Variants in FSIP2 observed in about 807,000 individuals in gnomAD.
The protein encoded by FSIP2 is fibrous sheath interacting protein 2, also known as fibrous sheath-interacting protein 2.
FSIP2 carries 367 observed loss-of-function variants against 510.5 expected under a neutral mutation model. That is an observed-to-expected ratio of 0.72 (90% CI 0.66 to 0.78). FSIP2 has a LOEUF of 0.78. FSIP2 is among the 30% of genes least tolerant of loss of function. The pLI, the probability that FSIP2 is intolerant of heterozygous loss-of-function variation, is 0.00. For missense variants in FSIP2, 7,594 were observed against 7,901.7 expected, an observed-to-expected ratio of 0.96 and a Z score of 1.48; for synonymous variants, 2,601 against 2,732.2, an observed-to-expected ratio of 0.95 and a Z score of 1.50.
Position 185,801,046 on chromosome 2 carries a change from G to A in FSIP2, c.11740G>A (p.Val3914Ile), listed in dbSNP as rs142635613. Reference protein sequence around the residue: ...LRSYDSNSLTVSLNNPSVVSS... With the variant: ...LRSYDSNSLTISLNNPSVVSS... ...GAGCTATGATAGTAATTCTTTGACA[G>A]TATCCCTGAATAATCCCAGTGTGGT... is the stretch of plus-strand genomic sequence containing the variant. The change falls in exon 17 of 23, where the codon GTA becomes ATA. Residue 3914 changes from valine (V) to isoleucine (I), a missense_variant. Val to Ile is a conservative substitution (Grantham distance 29, BLOSUM62 3). Coordinates refer to ENST00000424728, the MANE Select transcript of FSIP2 (RefSeq NM_173651.4). 50 of 1,532,144 alleles carry A rather than the reference G, an allele frequency of 3.3e-5. No homozygotes were observed. The highest frequency in any genetic ancestry group is 3.9e-5 in the Non-Finnish European group (45 of 1,144,292). The allele number at this position is 1,532,144 out of a possible 1,614,324, so 94.9% of individuals were successfully genotyped here.
intron 19 of FSIP2, among the ~76,000 whole-genome samples, chr2:185,817,540 A>G (rs1466755804): frequency 6.6e-6 from 1 of 151,952 alleles, no homozygotes; most frequent in Non-Finnish European, 1.5e-5. Flanking sequence ...AAAAGATCTG[A>G]AAAAAACCTA....
At chr2:185,810,613 T>C (rs540906392) in intron 17 of FSIP2, among the ~76,000 whole-genome samples, 2 of 145,536 alleles carry the variant, frequency 1.4e-5, no homozygotes, top group East Asian at 2.1e-4. Context: ...AAGAATGTCC[T>C]AACACAGAAA....
At chr2:185,764,762 G>C in intron 13 of FSIP2, 197 bp downstream of exon 13, 1 of 495,216 alleles carries the variant, frequency 2.0e-6, no homozygotes, top group East Asian at 3.3e-5. Context: ...GAGCAATAAA[G>C]GAAGTGGGTA....
intron 13 of FSIP2, among the ~76,000 whole-genome samples, chr2:185,776,429 C>A (rs190320604): frequency 8.2e-4 from 125 of 152,144 alleles, no homozygotes; most frequent in African/African-American, 3.0e-3. Context: ...CTCTTAGAAT[C>A]CCTTTCAGTG....
intron 7 of FSIP2, among the ~76,000 whole-genome samples, chr2:185,749,190 C>G (rs545784924): frequency 6.6e-6 from 1 of 151,534 alleles, no homozygotes; most frequent in African/African-American, 2.4e-5. Context: ...AAACGTCTTG[C>G]TGAGTTTTTT....
At chr2:185,748,262 T>C (rs1692075932) in intron 7 of FSIP2, among the ~76,000 whole-genome samples, 3 of 151,910 alleles carry the variant, frequency 2.0e-5, no homozygotes, top group Admixed American at 6.6e-5. Context: ...CTGATTATTA[T>C]TTTTCTTCTT....
intron 13 of FSIP2, among the ~76,000 whole-genome samples, chr2:185,780,661 T>C (rs1692829544): frequency 6.6e-6 from 1 of 152,038 alleles, no homozygotes; most frequent in Non-Finnish European, 1.5e-5. Flanking sequence ...AATTTTAATA[T>C]ATTGTTTTTG....
chr2:185,824,837 C>G (rs1162442549), intron 20 of FSIP2, among the ~76,000 whole-genome samples: 1 of 151,804 alleles, frequency 6.6e-6, no homozygotes, highest in Non-Finnish European at 1.5e-5. Context: ...AGGATTATGC[C>G]TCTTTTTAAA....
In FSIP2 at chr2:185,792,355, A is replaced by C. The variant is rs1693156651; in HGVS notation, c.5219A>C (p.Glu1740Ala). Residue 1740 changes from glutamate (E) to alanine (A), a missense_variant, in exon 16 of 23, where the codon GAG becomes GCG. Transcript: ENST00000424728. ...TATACAGCGAAAAAAATTATTGATG[A>C]GAGATCCCCACAAAGAGAAGAAGTG... is the stretch of plus-strand genomic sequence containing the variant. The part of the protein sequence containing the change: ...DAYTAKKIID[E>A]RSPQREEVKT... 1.3e-6 allele frequency: 2 copies of C among 1,529,568 alleles called. No homozygotes were observed. Among genetic ancestry groups the C allele is most frequent in the Non-Finnish European group, 1.7e-6 (2 of 1,144,394 alleles). The allele number at this position is 1,529,568 out of a possible 1,614,324, so 94.7% of individuals were successfully genotyped here.
Position 185,790,767 on chromosome 2 carries a change from G to T in FSIP2, c.3631G>T (p.Val1211Phe). 6.5e-7 allele frequency: 1 copy of T among 1,532,366 alleles called. No homozygotes were observed. The highest frequency in any genetic ancestry group is 1.2e-5 in the South Asian group (1 of 83,740). 94.9% of individuals were successfully genotyped at this position (1,532,366 alleles called of 1,614,324 possible). ...SLHNSDTEHI[V>F]KEAPNKYPLK... is the part of the protein sequence containing the mutation. ...ACATAATTCTGACACTGAACACATA[G>T]TCAAAGAAGCACCAAATAAATACCC... The change falls in exon 16 of 23, where the codon GTC (valine) becomes TTC (phenylalanine). Residue 1211 changes from valine (V) to phenylalanine (F), a missense_variant. By Grantham distance (50) the Val-to-Phe change is conservative. Coordinates refer to ENST00000424728, the MANE Select transcript of FSIP2 (RefSeq NM_173651.4).
At chr2:185,754,284 A>G (rs1182391809) in intron 8 of FSIP2, among the ~76,000 whole-genome samples, 2 of 151,502 alleles carry the variant, frequency 1.3e-5, no homozygotes, top group Non-Finnish European at 3.0e-5. Context: ...TGGCTTTGTT[A>G]TGCCCGGCCT....
At chr2:185,827,593 C>T (rs1196609041) in intron 20 of FSIP2, among the ~76,000 whole-genome samples, 1 of 151,846 alleles carries the variant, frequency 6.6e-6, no homozygotes, top group Admixed American at 6.6e-5. Context: ...GAATTTATTT[C>T]ACGAATACAC....
In FSIP2 at chr2:185,802,796, T is replaced by A; in HGVS notation, c.13490T>A (p.Ile4497Lys). ...LVLNRDTQKD[I>K]SRVNFNDIAS... The stretch of plus-strand genomic sequence containing the variant: ...CTAAACAGAGACACCCAAAAAGATA[T>A]ATCAAGAGTGAATTTCAATGACATT... The change falls in exon 17 of 23, where the codon ATA becomes AAA. Residue 4497 changes from isoleucine to lysine, a missense_variant. Ile to Lys is a moderately radical substitution (Grantham distance 102). Coordinates refer to ENST00000424728, the MANE Select transcript of FSIP2 (RefSeq NM_173651.4). 3.9e-6 allele frequency: 6 copies of A among 1,521,112 alleles called. No homozygotes were observed. Among genetic ancestry groups the A allele is most frequent in the Non-Finnish European group, 5.3e-6 (6 of 1,141,146 alleles). The allele number at this position is 1,521,112 out of a possible 1,614,324, so 94.2% of individuals were successfully genotyped here.
In FSIP2 at chr2:185,789,618, T is replaced by A; in HGVS notation, c.2482T>A (p.Leu828Ile). The A allele has an allele frequency of 6.5e-7, 1 of 1,534,762 alleles. No homozygotes were observed. Among genetic ancestry groups the A allele is most frequent in the Non-Finnish European group, 8.7e-7 (1 of 1,145,872 alleles). Residue 828 changes from leucine to isoleucine, a missense_variant, in exon 16 of 23, where the codon TTA becomes ATA. Leu to Ile is a conservative substitution (Grantham distance 5). Transcript: ENST00000424728. ...TGCAGAGGACATGGTGCATGCCATT[T>A]TAGAAAAGCTAATGACTCTTGTTTC... is the stretch of plus-strand genomic sequence containing the variant. ...DIAEDMVHAI[L>I]EKLMTLVSFK...
chr2:185,774,290 T>C (rs1275556712), intron 13 of FSIP2, among the ~76,000 whole-genome samples: 1 of 152,198 alleles, frequency 6.6e-6, no homozygotes, highest in Admixed American at 6.5e-5. Flanking sequence ...TTATTCTCTA[T>C]AGTTTGTAGC....
chr2:185,818,260 T>C (rs920763660), intron 19 of FSIP2, among the ~76,000 whole-genome samples: 1 of 151,794 alleles, frequency 6.6e-6, no homozygotes, highest in African/African-American at 2.4e-5. Context: ...TGCAAGTCAT[T>C]TGAAGTTGCC....
chr2:185,833,275 T>C lies in FSIP2; in HGVS notation c.*49T>C, dbSNP rs1444074649. 6 of 1,514,998 alleles carry C rather than the reference T, an allele frequency of 4.0e-6. No individual in the cohort carries two copies. The highest frequency in any genetic ancestry group is 4.5e-6 in the Non-Finnish European group (5 of 1,115,508). The allele number at this position is 1,514,998 out of a possible 1,614,324, so 93.8% of individuals were successfully genotyped here. ...TGCTTACTTCTTTTAGAAAATAAAA[T>C]GGTTTTTAAAGCATAGTATAGCGTC... is the stretch of plus-strand genomic sequence containing the variant. On this transcript the variant is annotated 3_prime_UTR_variant, in exon 23 of 23. Transcript: ENST00000424728.
At chr2:185,772,197 A>C (rs1452437727) in intron 13 of FSIP2, among the ~76,000 whole-genome samples, 2 of 152,150 alleles carry the variant, frequency 1.3e-5, no homozygotes, top group Non-Finnish European at 2.9e-5. Context: ...GAAGTTCCAA[A>C]CTTTTCCTCA....
At chr2:185,815,555 AT>A (rs1693810776) in intron 19 of FSIP2, 84 bp downstream of exon 19, 1 of 574,540 alleles carries the variant, frequency 1.7e-6, no homozygotes, top group Admixed American at 3.4e-5. Context: ...CAAAACTGTA[AT>A]TGAGCAAGTA....
Sources: allele counts gnomAD v4.1 joint callset (sites outside exome capture counted in the v4.1 genomes callset), GRCh38; gene constraint gnomAD v4.1.1; transcripts MANE v1.5; gene names NCBI Gene and HGNC (gene_info 2026-07-23, HGNC 2026-07-21).